TFCP2: variants seen among roughly 807,000 people sequenced by gnomAD.
TFCP2 encodes alpha-globin transcription factor CP2.
Under a neutral mutation model 73.4 loss-of-function variants are expected in TFCP2, and 33 were observed. The observed-to-expected ratio is 0.45, with a 90% CI of 0.34 to 0.60. TFCP2 has a LOEUF of 0.60. Ranked by LOEUF, TFCP2 falls within the 20% of genes least tolerant of loss-of-function variation. TFCP2 has a pLI of 0.01. For synonymous variants in TFCP2, 193 were observed against 211.6 expected, an observed-to-expected ratio of 0.91 and a Z score of 0.76; for missense variants, 352 against 604.0, an observed-to-expected ratio of 0.58 and a Z score of 4.37.
At chr12:51,096,115 AC>A (rs1205415991) in intron 13 of TFCP2, 75 bp from the exon 14 acceptor site, 2 of 1,178,704 alleles carry the variant, frequency 1.7e-6, no homozygotes, top group African/African-American at 1.5e-5. Flanking sequence ...CCTAAGGACT[AC>A]CCCACATCCA....
At chr12:51,125,915 G>T (rs796607351) in intron 1 of TFCP2, among the ~76,000 whole-genome samples, 11 of 152,122 alleles carry the variant, frequency 7.2e-5, no homozygotes, top group African/African-American at 2.4e-4. Context: ...GGTCAACATG[G>T]TGAAACCCCG....
intron 1 of TFCP2, chr12:51,125,500 C>A: frequency 2.8e-6 from 1 of 361,016 alleles, no homozygotes. Context: ...CTCCCTCTCC[C>A]AGCCTTGTAA....
intron 1 of TFCP2, among the ~76,000 whole-genome samples, chr12:51,130,166 A>T (rs888065779): frequency 6.6e-6 from 1 of 151,860 alleles, no homozygotes; most frequent in African/African-American, 2.4e-5. Context: ...AAACAGAAAA[A>T]TAACATTAAA....
chr12:51,104,019 A>C, intron 9 of TFCP2, 136 bp downstream of exon 9: 1 of 935,636 alleles, frequency 1.1e-6, no homozygotes, highest in Non-Finnish European at 1.7e-6. Flanking sequence ...TCTGGTTCAT[A>C]GTCAAAATTC....
intron 1 of TFCP2, among the ~76,000 whole-genome samples, chr12:51,139,552 A>AT (rs376902683): frequency 6.6e-6 from 1 of 151,834 alleles, no homozygotes; most frequent in Non-Finnish European, 1.5e-5. Flanking sequence ...TCATCTTTTA[A>AT]TTTTTTGTAC....
chr12:51,101,809 T>C (rs917844695), intron 11 of TFCP2, 126 bp downstream of exon 11: 3 of 587,900 alleles, frequency 5.1e-6, no homozygotes, highest in Non-Finnish European at 9.1e-6. Flanking sequence ...ATTTGGTACA[T>C]AGCTGACATT....
chr12:51,106,985 C>A, intron 7 of TFCP2: 1 of 562,788 alleles, frequency 1.8e-6, no homozygotes, highest in Non-Finnish European at 3.2e-6. Flanking sequence ...CAAAGAACAC[C>A]ACAATAGCTC....
chr12:51,115,188 T>C (rs1054424595), intron 4 of TFCP2, among the ~76,000 whole-genome samples: 31 of 144,332 alleles, frequency 2.1e-4, no homozygotes, highest in African/African-American at 7.1e-4. Flanking sequence ...GGCGTGGTCT[T>C]GGCTCACTGC....
At chr12:51,104,805 G>C (rs891454970) in intron 8 of TFCP2, among the ~76,000 whole-genome samples, 1 of 150,726 alleles carries the variant, frequency 6.6e-6, no homozygotes, top group Non-Finnish European at 1.5e-5. Context: ...TCTGCCTCCC[G>C]GGTTCATGCC....
At chr12:51,106,292 G>C (rs1391939483) in intron 8 of TFCP2, among the ~76,000 whole-genome samples, 2 of 152,034 alleles carry the variant, frequency 1.3e-5, no homozygotes, top group Non-Finnish European at 2.9e-5. Flanking sequence ...TTTCTAGTGG[G>C]GGGAAAAAAG....
At chr12:51,151,810 T>G (rs961605879) in intron 1 of TFCP2, among the ~76,000 whole-genome samples, 1 of 152,202 alleles carries the variant, frequency 6.6e-6, no homozygotes, top group Non-Finnish European at 1.5e-5. Context: ...CCTGGAACAC[T>G]GTCATCAAAA....
chr12:51,149,897 G>C (rs1201192716), intron 1 of TFCP2, among the ~76,000 whole-genome samples: 4 of 152,038 alleles, frequency 2.6e-5, no homozygotes, highest in Non-Finnish European at 4.4e-5. Context: ...ACCGCACCTA[G>C]CCTTTAATTT....
chr12:51,098,966 C>A, intron 12 of TFCP2, 48 bp from the exon 13 acceptor site: 1 of 1,594,622 alleles, frequency 6.3e-7, no homozygotes, highest in South Asian at 1.1e-5. Flanking sequence ...TTTGTCCACT[C>A]TTACAGGTAA....
chr12:51,130,919 CA>C (rs947530467), intron 1 of TFCP2, among the ~76,000 whole-genome samples: 1 of 151,672 alleles, frequency 6.6e-6, no homozygotes, highest in African/African-American at 2.4e-5. Context: ...CCCCGGGAGG[CA>C]GGGGTTGCAG....
chr12:51,144,668 A>G (rs564080035), intron 1 of TFCP2, among the ~76,000 whole-genome samples: 1 of 152,354 alleles, frequency 6.6e-6, no homozygotes, highest in East Asian at 1.9e-4. Flanking sequence ...TACAAAATCA[A>G]CTTTAAGTAG....
At chr12:51,150,426 A>G (rs1293905978) in intron 1 of TFCP2, among the ~76,000 whole-genome samples, 2 of 152,170 alleles carry the variant, frequency 1.3e-5, no homozygotes, top group Non-Finnish European at 2.9e-5. Flanking sequence ...TCGAAAAAAA[A>G]AGAAAAAAAA....
intron 14 of TFCP2, 36 bp from the exon 15 acceptor site, chr12:51,095,314 G>A (rs1009243287): frequency 6.2e-7 from 1 of 1,606,340 alleles, no homozygotes. Context: ...ATCATCTTTA[G>A]TCACCTCTAA....
chr12:51,159,033 G>C (rs1941597282), intron 1 of TFCP2, among the ~76,000 whole-genome samples: 1 of 136,876 alleles, frequency 7.3e-6, no homozygotes, highest in Non-Finnish European at 1.6e-5. Flanking sequence ...AAAAAAATTA[G>C]CCAGGCGTGG....
At chr12:51,169,453 A>T (rs1592847267) in intron 1 of TFCP2, among the ~76,000 whole-genome samples, 2 of 152,146 alleles carry the variant, frequency 1.3e-5, no homozygotes. Context: ...GTGAGCTAAG[A>T]TCACACCACT....
Sources: allele counts gnomAD v4.1 joint callset (sites outside exome capture counted in the v4.1 genomes callset), GRCh38; gene constraint gnomAD v4.1.1; transcripts MANE v1.5; gene names NCBI Gene and HGNC (gene_info 2026-07-23, HGNC 2026-07-21).